ANO3: variants seen among roughly 807,000 people sequenced by gnomAD.
ANO3 encodes the protein anoctamin-3.
ANO3 carries 99 observed loss-of-function variants against 144.8 expected under a neutral mutation model. That is an observed-to-expected ratio of 0.68 (90% CI 0.58 to 0.81). The LOEUF is 0.81. ANO3 is among the 30% of genes least tolerant of loss of function. ANO3 has a pLI of 0.00. For synonymous variants in ANO3, 414 were observed against 392.6 expected (o/e 1.05, Z -0.64); for missense variants, 905 against 1,202.2 (o/e 0.75, Z 3.66).
chr11:26,462,275 A>T (rs1051699133), intron 3 of ANO3, among the ~76,000 whole-genome samples: 6 of 151,958 alleles, frequency 3.9e-5, no homozygotes, highest in African/African-American at 1.4e-4. Context: ...AATATATAGC[A>T]ATCTGTTTTT....
chr11:26,623,877 C>A (rs1306148641), intron 17 of ANO3, among the ~76,000 whole-genome samples: 2 of 152,126 alleles, frequency 1.3e-5, no homozygotes, highest in Non-Finnish European at 2.9e-5. Flanking sequence ...AGTTCTGCCT[C>A]CCGGTTTCAC....
At chr11:26,345,350 T>C (rs967645204) in intron 1 of ANO3, among the ~76,000 whole-genome samples, 4 of 151,690 alleles carry the variant, frequency 2.6e-5, no homozygotes, top group African/African-American at 9.7e-5. Context: ...AGGTCAGGAG[T>C]TCAAGACCAG....
intron 4 of ANO3, among the ~76,000 whole-genome samples, chr11:26,496,995 T>TATATAC (rs1206312744): frequency 1.4e-4 from 18 of 126,638 alleles, no homozygotes; most frequent in South Asian, 2.7e-4. Flanking sequence ...TATATATATA[T>TATATAC]ACACACACAG....
intron 1 of ANO3, among the ~76,000 whole-genome samples, chr11:26,438,697 G>A (rs1028912696): frequency 6.7e-6 from 1 of 148,950 alleles, no homozygotes; most frequent in South Asian, 2.1e-4. Context: ...AAAGTGGCTT[G>A]AATCCAAGGG....
At chr11:26,236,795 G>A (rs1329401240) in intron 1 of ANO3, among the ~76,000 whole-genome samples, 13 of 143,122 alleles carry the variant, frequency 9.1e-5, no homozygotes, top group Admixed American at 1.4e-4. Context: ...TCCAGCCTGG[G>A]CGACAGAGTG....
intron 1 of ANO3, among the ~76,000 whole-genome samples, chr11:26,247,922 G>C (rs2133817041): frequency 6.6e-6 from 1 of 151,502 alleles, no homozygotes; most frequent in South Asian, 2.1e-4. Context: ...AGTAGAGACG[G>C]GGGTTTCACC....
intron 4 of ANO3, among the ~76,000 whole-genome samples, chr11:26,467,097 A>G (rs1462324664): frequency 6.6e-6 from 1 of 151,976 alleles, no homozygotes; most frequent in African/African-American, 2.4e-5. Context: ...CAAGATTACT[A>G]TTAATCAAAA....
chr11:26,386,111 G>A (rs951169598), intron 1 of ANO3, among the ~76,000 whole-genome samples: 16 of 152,098 alleles, frequency 1.1e-4, no homozygotes, highest in Admixed American at 8.5e-4. Flanking sequence ...TGATGAGTTT[G>A]GGATAACTCT....
At chr11:26,563,311 A>C (rs1401032833) in intron 14 of ANO3, 1 of 1,540,232 alleles carries the variant, frequency 6.5e-7, no homozygotes, top group African/African-American at 1.4e-5. Context: ...AATTATTCAA[A>C]GAACCGAACT....
chr11:26,432,861 T>A (rs1449624912), intron 1 of ANO3, among the ~76,000 whole-genome samples: 3 of 152,224 alleles, frequency 2.0e-5, no homozygotes, highest in Non-Finnish European at 4.4e-5. Flanking sequence ...TTCTTTTTGC[T>A]TAGGATTGCC....
chr11:26,574,766 C>T (rs1039162640), intron 14 of ANO3, among the ~76,000 whole-genome samples: 13 of 151,926 alleles, frequency 8.6e-5, no homozygotes, highest in Non-Finnish European at 2.9e-5. Context: ...TAATATGGTG[C>T]TATAATAAGA....
chr11:26,442,205 A>G, intron 2 of ANO3, 93 bp downstream of exon 2: 1 of 1,262,410 alleles, frequency 7.9e-7, no homozygotes, highest in Non-Finnish European at 1.1e-6. Context: ...GACCAGTTTT[A>G]TAGAGCTCTT....
intron 1 of ANO3, among the ~76,000 whole-genome samples, chr11:26,194,795 A>G (rs1413846210): frequency 6.6e-6 from 1 of 151,920 alleles, no homozygotes; most frequent in Non-Finnish European, 1.5e-5. Context: ...CAAACTCCTG[A>G]CCTCAGGTGA....
At chr11:26,459,244 C>T (rs757937527) in intron 3 of ANO3, among the ~76,000 whole-genome samples, 4 of 151,926 alleles carry the variant, frequency 2.6e-5, no homozygotes, top group Non-Finnish European at 5.9e-5. Flanking sequence ...TATGGCTTTA[C>T]CTGGAGATGC....
chr11:26,580,517 C>A (rs1020544414), intron 14 of ANO3, among the ~76,000 whole-genome samples: 2 of 152,122 alleles, frequency 1.3e-5, no homozygotes, highest in African/African-American at 4.8e-5. Flanking sequence ...CTGTGTTGGG[C>A]ACCATAGAAC....
intron 1 of ANO3, among the ~76,000 whole-genome samples, chr11:26,419,748 C>T (rs1050011504): frequency 2.6e-5 from 4 of 151,880 alleles, no homozygotes; most frequent in African/African-American, 9.7e-5. Flanking sequence ...GAACATATAG[C>T]AAGGAAAATG....
chr11:26,221,330 A>G (rs901986733), intron 1 of ANO3, among the ~76,000 whole-genome samples: 16 of 152,200 alleles, frequency 1.1e-4, no homozygotes, highest in African/African-American at 3.9e-4. Flanking sequence ...ACACTGTGGC[A>G]TAAGGAAGTC....
chr11:26,496,219 C>T (rs975138738), intron 4 of ANO3, among the ~76,000 whole-genome samples: 7 of 152,172 alleles, frequency 4.6e-5, no homozygotes, highest in African/African-American at 1.4e-4. Flanking sequence ...TTTTCAGGCA[C>T]CTGCCTACAT....
At chr11:26,427,153 A>G in intron 1 of ANO3, 1 of 205,404 alleles carries the variant, frequency 4.9e-6, no homozygotes, top group Non-Finnish European at 1.0e-5. Flanking sequence ...ACCTAAAACA[A>G]ACATGTTTAG....
Sources: allele counts gnomAD v4.1 joint callset (sites outside exome capture counted in the v4.1 genomes callset), GRCh38; gene constraint gnomAD v4.1.1; transcripts MANE v1.5; gene names NCBI Gene and HGNC (gene_info 2026-07-23, HGNC 2026-07-21).